The following PBX1 variants were observed in gnomAD, a reference collection of about 807,000 sequenced individuals.
PBX1 encodes the protein pre-B-cell leukemia transcription factor 1.
PBX1 carries 6 observed loss-of-function variants against 53.4 expected under a neutral mutation model. That is an observed-to-expected ratio of 0.11 (90% CI 0.06 to 0.22). The LOEUF (loss-of-function observed/expected upper bound fraction) is 0.22. Among genes scored for constraint, PBX1 ranks in the 10% least tolerant of loss-of-function variants. The pLI is 1.00. For missense variants in PBX1, 251 were observed against 551.4 expected (o/e 0.46, Z 5.46); for synonymous variants, 204 against 212.3 (o/e 0.96, Z 0.34).
intron 2 of PBX1, among the ~76,000 whole-genome samples, chr1:164,877,990 A>T (rs182919043): frequency 7.9e-5 from 12 of 152,200 alleles, no homozygotes; most frequent in Admixed American, 7.8e-4. Flanking sequence ...TGCACTATAT[A>T]CTCTTTCTTG....
rs558298885 is a variant in PBX1, at chr1:164,569,659, T to C, written c.265+6348T>C. Among the ~76,000 whole-genome samples the C allele has an allele frequency of 1.9e-3, 262 of 137,390 alleles. 1 individual carries two copies. Among genetic ancestry groups the C allele is most frequent in the Non-Finnish European group, 3.1e-3 (199 of 64,872 alleles). 90.1% of individuals were successfully genotyped at this position (137,390 alleles called of 152,430 possible). The stretch of plus-strand genomic sequence containing the variant: ...TGATCTCGGCCCACTGAAACCTCTA[T>C]CCCTGGGTTCAAGCGATTCTCCTGC... On this transcript the variant is annotated intron_variant, in intron 2 of 8. Coordinates refer to ENST00000420696, the MANE Select transcript of PBX1 (RefSeq NM_002585.4).
intron 2 of PBX1, among the ~76,000 whole-genome samples, chr1:164,713,402 C>T: frequency 6.6e-6 from 1 of 152,132 alleles, no homozygotes; most frequent in East Asian, 1.9e-4. Context: ...AGATAGACAG[C>T]AAGTGTCATA....
At chr1:164,738,312 G>A (rs1665411791) in intron 2 of PBX1, among the ~76,000 whole-genome samples, 1 of 152,020 alleles carries the variant, frequency 6.6e-6, no homozygotes, top group Admixed American at 6.6e-5. Context: ...TCTCTATTTG[G>A]AGACAGGGTC....
chr1:164,664,624 T>C (rs1660699959), intron 2 of PBX1, among the ~76,000 whole-genome samples: 1 of 152,214 alleles, frequency 6.6e-6, no homozygotes, highest in South Asian at 2.1e-4. Context: ...TGTATTAGTC[T>C]GTTTTCACAC....
intron 2 of PBX1, among the ~76,000 whole-genome samples, chr1:164,687,730 T>C (rs1450412282): frequency 6.6e-6 from 1 of 152,172 alleles, no homozygotes; most frequent in African/African-American, 2.4e-5. Context: ...TGATGTCTTA[T>C]TGGCAATATG....
intron 2 of PBX1, among the ~76,000 whole-genome samples, chr1:164,870,266 C>CTTCCTTCCTTCTTTCT (rs71097553): frequency 4.4e-5 from 2 of 45,208 alleles, no homozygotes; most frequent in Non-Finnish European, 4.8e-5. Context: ...TCCTTCCTTC[C>CTTCCTTCCTTCTTTCT]TTCTTTCTTT....
intron 1 of PBX1, among the ~76,000 whole-genome samples, chr1:164,560,816 G>C (rs957558842): frequency 1.3e-5 from 2 of 152,054 alleles, no homozygotes; most frequent in Non-Finnish European, 2.9e-5. Flanking sequence ...GGGGTGGGGG[G>C]ACAAAAATCA....
At chr1:164,798,417 T>G (rs1668894645) in intron 3 of PBX1, among the ~76,000 whole-genome samples, 1 of 152,246 alleles carries the variant, frequency 6.6e-6, no homozygotes. Context: ...TGAGTGAATC[T>G]GTGAATAGAT....
intron 2 of PBX1, among the ~76,000 whole-genome samples, chr1:164,720,172 A>G (rs909467391): frequency 6.6e-6 from 1 of 152,190 alleles, no homozygotes; most frequent in Non-Finnish European, 1.5e-5. Flanking sequence ...TTTATTGTAA[A>G]GACAGGGGAA....
At chr1:164,566,385 A>G (rs868299719) in intron 2 of PBX1, among the ~76,000 whole-genome samples, 164 of 152,312 alleles carry the variant, frequency 1.1e-3, no homozygotes, top group African/African-American at 3.6e-3. Context: ...TCGGGTGGCA[A>G]TTCTCAAAGA....
At position 164,849,148 on chromosome 1, in the gene PBX1, A is replaced by G. The variant is rs944706412; in HGVS notation, c.*2472A>G. ...GGGCAAAGTACGAAAGAGAGACAAA[A>G]GGGTTCTCTTGGAAACAAGAAGAGT... is the stretch of plus-strand genomic sequence containing the variant. On this transcript the variant is annotated 3_prime_UTR_variant, in exon 9 of 9. Transcript: ENST00000420696. The G allele has an allele frequency of 1.4e-6, 2 of 1,388,130 alleles. No homozygotes were observed. The highest frequency in any genetic ancestry group is 2.9e-5 in the African/African-American group (2 of 68,972). The allele number at this position is 1,388,130 out of a possible 1,614,324, so 86.0% of individuals were successfully genotyped here.
chr1:164,646,599 C>T (rs973547089), intron 2 of PBX1, among the ~76,000 whole-genome samples: 1 of 152,142 alleles, frequency 6.6e-6, no homozygotes, highest in East Asian at 1.9e-4. Context: ...GACTTGGGGA[C>T]ACCAAGTCTT....
At chr1:164,763,296 C>T (rs970003007) in intron 2 of PBX1, among the ~76,000 whole-genome samples, 18 of 152,178 alleles carry the variant, frequency 1.2e-4, no homozygotes, top group African/African-American at 2.4e-4. Context: ...GTGTCATCCT[C>T]GTGATCTAAG....
intron 2 of PBX1, among the ~76,000 whole-genome samples, chr1:164,670,917 A>G (rs1661077793): frequency 6.6e-6 from 1 of 152,198 alleles, no homozygotes; most frequent in African/African-American, 2.4e-5. Context: ...TCTAATGCAA[A>G]TGGAGAAAAT....
intron 8 of PBX1, chr1:164,829,435 G>T (rs1476375575): frequency 6.6e-5 from 10 of 152,138 alleles, no homozygotes; most frequent in Admixed American, 6.5e-4. Context: ...TTCTATTTTA[G>T]CACTGTCCAA....
intron 2 of PBX1, among the ~76,000 whole-genome samples, chr1:164,689,822 C>A (rs548361637): frequency 6.6e-6 from 1 of 152,098 alleles, no homozygotes; most frequent in Admixed American, 6.5e-5. Flanking sequence ...TCATCTCTCT[C>A]TCCCCGTGCC....
intron 3 of PBX1, among the ~76,000 whole-genome samples, chr1:164,794,101 C>G (rs936781261): frequency 6.6e-6 from 1 of 151,988 alleles, no homozygotes; most frequent in African/African-American, 2.4e-5. Flanking sequence ...TCTTGAACTC[C>G]TGACCTCAGG....
chr1:164,671,465 C>T (rs1293140101), intron 2 of PBX1, among the ~76,000 whole-genome samples: 2 of 152,114 alleles, frequency 1.3e-5, no homozygotes, highest in Non-Finnish European at 1.5e-5. Flanking sequence ...TGCATACACT[C>T]GCCTGCCAGT....
intron 2 of PBX1, among the ~76,000 whole-genome samples, chr1:164,763,972 T>G (rs569389374): frequency 1.2e-4 from 19 of 152,354 alleles, no homozygotes; most frequent in African/African-American, 4.3e-4. Flanking sequence ...TATAGGATTG[T>G]GGAGATTTAT....
Sources: gnomAD v4.1 joint callset for allele counts (sites outside exome capture counted in the v4.1 genomes callset) on GRCh38, gnomAD v4.1.1 for gene constraint, MANE v1.5 for transcripts, NCBI Gene and HGNC (gene_info 2026-07-23, HGNC 2026-07-21) for gene names.